Variants in THOC5 observed in about 807,000 individuals in gnomAD.
The protein encoded by THOC5 is Fms-interacting protein.
THOC5 carries 43 observed loss-of-function variants against 92.9 expected under a neutral mutation model. The observed-to-expected ratio is 0.46, with a 90% CI of 0.36 to 0.60. THOC5 has a LOEUF of 0.60. THOC5 is among the 20% of genes least tolerant of loss of function. The pLI, the probability that THOC5 is intolerant of heterozygous loss-of-function variation, is 0.00. For missense variants in THOC5, 659 were observed against 849.4 expected (o/e 0.78, Z 2.79); for synonymous variants, 296 against 320.1 (o/e 0.92, Z 0.80).
intron 6 of THOC5, among the ~76,000 whole-genome samples, chr22:29,537,728 A>G (rs577329436): frequency 1.4e-4 from 21 of 151,988 alleles, no homozygotes; most frequent in African/African-American, 5.1e-4. Flanking sequence ...CGCTTCTACT[A>G]AAAATACAAA....
At chr22:29,530,546 A>C (rs1408283456) in intron 8 of THOC5, among the ~76,000 whole-genome samples, 2 of 152,118 alleles carry the variant, frequency 1.3e-5, no homozygotes, top group Non-Finnish European at 2.9e-5. Context: ...TTTAATACTC[A>C]CAACAACCCT....
At chr22:29,510,480 C>T (rs1368449919) in intron 19 of THOC5, among the ~76,000 whole-genome samples, 3 of 152,062 alleles carry the variant, frequency 2.0e-5, no homozygotes, top group Non-Finnish European at 4.4e-5. Context: ...TGTCTGTGGT[C>T]CCAGCTACTA....
At chr22:29,518,947 T>C (rs1446715120) in intron 15 of THOC5, 59 bp downstream of exon 15, 2 of 1,073,222 alleles carry the variant, frequency 1.9e-6, no homozygotes. Context: ...AAGGCTAAGT[T>C]GTTGTTGTCC....
chr22:29,529,217 G>A lies in THOC5; in HGVS notation c.870C>T (p.Ile290=), dbSNP rs773352942. Residue 290 remains isoleucine, a synonymous_variant, in exon 9 of 20, where the codon ATC becomes ATT. Transcript: ENST00000490103. ...QACDKTLSVA[I]EGSVDEAKAL... is the part of the protein sequence containing the mutation. ...CCTTGGCTTCATCCACACTGCCTTC[G>A]ATTGCCACAGATAACGTCTTATCTG... 5 of 1,614,076 alleles carry A rather than the reference G, an allele frequency of 3.1e-6. No individual in the cohort carries two copies. Among genetic ancestry groups the A allele is most frequent in the East Asian group, 2.2e-5 (1 of 44,896 alleles).
In THOC5 at chr22:29,523,435, C is replaced by T. The variant is rs118065491; in HGVS notation, c.1176-2336G>A. 0.024 allele frequency among the ~76,000 whole-genome samples: 3,661 copies of T among 152,090 alleles called. 364 individuals are homozygous for T. The East Asian group carries it at 0.35, about 15-fold the overall frequency. ...GCCATGATACAGTCCTGCCCTCTACCCACCCCACCACCACAAAAAAATTTC... is the reference window on the plus strand; with the variant it reads ...GCCATGATACAGTCCTGCCCTCTACTCACCCCACCACCACAAAAAAATTTC... On this transcript the variant is annotated intron_variant, in intron 12 of 19. Coordinates refer to ENST00000490103, the MANE Select transcript of THOC5 (RefSeq NM_003678.5).
rs1348871981 is a variant in THOC5, at chr22:29,508,411, G to A, written c.*46C>T. On this transcript the variant is annotated 3_prime_UTR_variant, in exon 20 of 20. Coordinates refer to ENST00000490103, the MANE Select transcript of THOC5 (RefSeq NM_003678.5). ...GGCCAGAGCAGAAAGCAGAAGCCCAGTGCTCAGGGTGAGGCCTTGGGGGAA... is the reference window on the plus strand; with the variant it reads ...GGCCAGAGCAGAAAGCAGAAGCCCAATGCTCAGGGTGAGGCCTTGGGGGAA... 1 of 1,582,272 alleles carries A rather than the reference G, an allele frequency of 6.3e-7. No individual in the cohort carries two copies. The highest frequency in any genetic ancestry group is 1.7e-5 in the Admixed American group (1 of 59,780).
intron 18 of THOC5, 51 bp from the exon 19 acceptor site, chr22:29,511,347 G>GACC: frequency 6.4e-7 from 1 of 1,570,072 alleles, no homozygotes; most frequent in East Asian, 2.2e-5. Context: ...GCATGTGGGG[G>GACC]ACCACACTGG....
Position 29,529,228 on chromosome 22 carries a change from A to G in THOC5, c.859T>C (p.Ser287Pro). 2 of 1,614,188 alleles carry G rather than the reference A, an allele frequency of 1.2e-6. No individual in the cohort carries two copies. The highest frequency in any genetic ancestry group is 1.7e-6 in the Non-Finnish European group (2 of 1,180,032). ...TCCACACTGCCTTCGATTGCCACAG[A>G]TAACGTCTTATCTGGGGGGCAAGAA... The part of the protein sequence containing the change: ...AYGQACDKTL[S>P]VAIEGSVDEA... Residue 287 changes from serine to proline, a missense_variant, in exon 9 of 20, where the codon TCT (serine) becomes CCT (proline). Coordinates refer to ENST00000490103, the MANE Select transcript of THOC5 (RefSeq NM_003678.5).
At chr22:29,545,395 A>G (rs554933319) in intron 2 of THOC5, among the ~76,000 whole-genome samples, 51 of 152,196 alleles carry the variant, frequency 3.4e-4, no homozygotes, top group Non-Finnish European at 6.2e-4. Context: ...CCTTCCCAAC[A>G]GTCGCCCAAA....
intron 12 of THOC5, among the ~76,000 whole-genome samples, chr22:29,522,313 T>C (rs995275966): frequency 1.3e-5 from 2 of 151,798 alleles, no homozygotes; most frequent in Non-Finnish European, 2.9e-5. Context: ...TAAGCCAAGA[T>C]TGCACCACTG....
rs1196255254 is a variant in THOC5 at position 29,506,826 on chromosome 22, AAT to A, written c.*1629_*1630del. ...TGTGAAGTACAGTTGATCTCTGAAC[AAT>A]AGTTTGGACTCTGTGGGTCTATTAT... On this transcript the variant is annotated 3_prime_UTR_variant, in exon 20 of 20. Coordinates refer to ENST00000490103, the MANE Select transcript of THOC5 (RefSeq NM_003678.5). 19 of 152,208 alleles carry A rather than the reference AAT, an allele frequency of 1.2e-4. No individual in the cohort carries two copies. Among genetic ancestry groups the A allele is most frequent in the Non-Finnish European group, 2.8e-4 (19 of 68,048 alleles). 9.4% of individuals were successfully genotyped at this position (152,208 alleles called of 1,614,324 possible). A position where few individuals can be genotyped will look rare whatever the true frequency, so the allele number is the denominator to read the frequency against.
Position 29,517,265 on chromosome 22 carries a change from T to C in THOC5, c.1591A>G (p.Met531Val), listed in dbSNP as rs2063351332. The change falls in exon 16 of 20, where the codon ATG (methionine) becomes GTG (valine). Residue 531 changes from methionine to valine, a missense_variant and splice_region_variant. Transcript: ENST00000490103. Reference sequence around the variant, plus strand: ...TAACTTGTCACTCCTTCACCTACCATGTAATCCTCATGGGCAACTGTCACC... The same window carrying C: ...TAACTTGTCACTCCTTCACCTACCACGTAATCCTCATGGGCAACTGTCACC... ...KWVTVAHEDY[M>V]ELHFTKDIVD... 1.2e-6 allele frequency: 2 copies of C among 1,614,052 alleles called. No homozygotes were observed. The highest frequency in any genetic ancestry group is 1.1e-5 in the South Asian group (1 of 91,080).
At position 29,549,034 on chromosome 22, in the gene THOC5, A is replaced by T; in HGVS notation, c.96+18T>A. The stretch of plus-strand genomic sequence containing the variant: ...AGATGTAATTTCTCAGCAGCATGGC[A>T]ACCCTGACTGATCTCACCTGCTCGG... On this transcript the variant is annotated intron_variant, in intron 2 of 19. Coordinates refer to ENST00000490103, the MANE Select transcript of THOC5 (RefSeq NM_003678.5). 1 of 1,613,066 alleles carries T rather than the reference A, an allele frequency of 6.2e-7. No individual in the cohort carries two copies. Among genetic ancestry groups the T allele is most frequent in the Non-Finnish European group, 8.5e-7 (1 of 1,179,388 alleles).
Position 29,549,158 on chromosome 22 carries a change from C to G in THOC5, c.-11G>C. On this transcript the variant is annotated splice_region_variant and 5_prime_UTR_variant, in exon 2 of 20. Coordinates refer to ENST00000490103, the MANE Select transcript of THOC5 (RefSeq NM_003678.5). ...CGATTCTGATGACATGGTTGTTCCT[C>G]CTGTTAAGAGGAGAAAGTTTTTGAG... 2 of 1,613,978 alleles carry G rather than the reference C, an allele frequency of 1.2e-6. No individual in the cohort carries two copies. Among genetic ancestry groups the G allele is most frequent in the South Asian group, 2.2e-5 (2 of 91,062 alleles).
At position 29,508,110 on chromosome 22, in the gene THOC5, C is replaced by G. The variant is rs1326523063; in HGVS notation, c.*347G>C. On this transcript the variant is annotated 3_prime_UTR_variant, in exon 20 of 20. Coordinates refer to ENST00000490103, the MANE Select transcript of THOC5 (RefSeq NM_003678.5). ...CAGCAGGAACTTGGGATAATAAATA[C>G]AAGATCATGAGGACCTCACCCCGCA... 4.5e-6 allele frequency: 1 copy of G among 223,826 alleles called. No individual in the cohort carries two copies. Among genetic ancestry groups the G allele is most frequent in the Non-Finnish European group, 8.8e-6 (1 of 113,806 alleles). The allele number at this position is 223,826 out of a possible 1,614,324, so 13.9% of individuals were successfully genotyped here. A position where few individuals can be genotyped will look rare whatever the true frequency, so the allele number is the denominator to read the frequency against.
In THOC5 at chr22:29,542,803, G is replaced by C. The variant is rs1340711046; in HGVS notation, c.452+56C>G. The C allele has an allele frequency of 3.3e-6, 4 of 1,226,904 alleles. No homozygotes were observed. The African/African-American group carries it at 6.0e-5, about 19-fold the overall frequency. 76.0% of individuals were successfully genotyped at this position (1,226,904 alleles called of 1,614,324 possible). A position where few individuals can be genotyped will look rare whatever the true frequency, so the allele number is the denominator to read the frequency against. ...AACAGACTTACAGTGAGCTACATGG[G>C]AAAAAGCAGTTACCGAAAGACCACA... On this transcript the variant is annotated intron_variant, in intron 5 of 19. Coordinates refer to ENST00000490103, the MANE Select transcript of THOC5 (RefSeq NM_003678.5).
chr22:29,529,248 CAAG>C lies in THOC5; in HGVS notation c.848-12_848-10del, dbSNP rs751043589. 37 of 1,613,906 alleles carry C rather than the reference CAAG, an allele frequency of 2.3e-5. No homozygotes were observed. The highest frequency in any genetic ancestry group is 2.8e-5 in the Non-Finnish European group (33 of 1,180,002). ...CACAGATAACGTCTTATCTGGGGGG[CAAG>C]AAGAAGTCTGTTAGGAAAGCTGCTG... On this transcript the variant is annotated splice_polypyrimidine_tract_variant and intron_variant, in intron 8 of 19. Coordinates refer to ENST00000490103, the MANE Select transcript of THOC5 (RefSeq NM_003678.5).
At chr22:29,521,193 CT>C in intron 12 of THOC5, 94 bp from the exon 13 acceptor site, 1 of 887,246 alleles carries the variant, frequency 1.1e-6, no homozygotes, top group Non-Finnish European at 1.9e-6. Context: ...CCACGTCTCA[CT>C]GATGACCAAT....
At chr22:29,527,299 GC>G (rs1601414391) in intron 11 of THOC5, among the ~76,000 whole-genome samples, 1 of 152,128 alleles carries the variant, frequency 6.6e-6, no homozygotes, top group East Asian at 1.9e-4. Context: ...CATGCCTGTA[GC>G]CCCCGCTACT....
Sources: allele counts gnomAD v4.1 joint callset (sites outside exome capture counted in the v4.1 genomes callset), GRCh38; gene constraint gnomAD v4.1.1; transcripts MANE v1.5; gene names NCBI Gene and HGNC (gene_info 2026-07-23, HGNC 2026-07-21).